Variants in DAB1 observed in about 807,000 individuals in gnomAD.
The protein encoded by DAB1 is disabled homolog 1.
In DAB1, 15 loss-of-function variants were observed where a neutral mutation model predicts 64.6. The observed-to-expected ratio is 0.23, with a 90% confidence interval of 0.16 to 0.36. DAB1 has a LOEUF of 0.36. Among genes scored for constraint, DAB1 ranks in the 10% least tolerant of loss-of-function variants. DAB1 has a pLI of 1.00. For missense variants in DAB1, 596 were observed against 706.7 expected, an observed-to-expected ratio of 0.84 and a Z score of 1.78; for synonymous variants, 235 against 251.9, an observed-to-expected ratio of 0.93 and a Z score of 0.64.
At chr1:57,889,418 G>A (rs1416309735) in intron 5 of DAB1, among the ~76,000 whole-genome samples, 1 of 152,212 alleles carries the variant, frequency 6.6e-6, no homozygotes, top group Non-Finnish European at 1.5e-5. Flanking sequence ...TTCCACACAG[G>A]TCTTGACCTT....
chr1:57,711,024 T>C (rs1270903008), intron 6 of DAB1, among the ~76,000 whole-genome samples: 1 of 152,184 alleles, frequency 6.6e-6, no homozygotes, highest in Non-Finnish European at 1.5e-5. Context: ...AATCTTAGAT[T>C]CTACAATAGT....
intron 5 of DAB1, among the ~76,000 whole-genome samples, chr1:57,963,894 T>G (rs1050054533): frequency 2.0e-5 from 3 of 152,230 alleles, no homozygotes; most frequent in African/African-American, 4.8e-5. Flanking sequence ...AAGTCACATA[T>G]TCTCCCTGCG....
intron 7 of DAB1, among the ~76,000 whole-genome samples, chr1:57,647,969 T>C (rs1397940986): frequency 6.6e-6 from 1 of 152,208 alleles, no homozygotes; most frequent in Non-Finnish European, 1.5e-5. Flanking sequence ...AATCTATATA[T>C]TCTCAACCTC....
chr1:57,583,055 A>C (rs1302303818), intron 7 of DAB1, among the ~76,000 whole-genome samples: 2 of 152,192 alleles, frequency 1.3e-5, no homozygotes, highest in African/African-American at 4.8e-5. Flanking sequence ...AGAGAATTGG[A>C]GAAGTGAACT....
At chr1:57,085,587 A>G (rs1202512259) in intron 4 of DAB1, among the ~76,000 whole-genome samples, 1 of 152,218 alleles carries the variant, frequency 6.6e-6, no homozygotes, top group Non-Finnish European at 1.5e-5. Flanking sequence ...CAGAGAAGGG[A>G]GGTCAGGTGT....
chr1:58,465,351 A>T (rs1172024306), intron 3 of DAB1, among the ~76,000 whole-genome samples: 1 of 152,186 alleles, frequency 6.6e-6, no homozygotes, highest in East Asian at 1.9e-4. Flanking sequence ...TGGCTAGGGC[A>T]GGGGTCAGCC....
intron 5 of DAB1, among the ~76,000 whole-genome samples, chr1:58,146,569 T>C (rs1420178529): frequency 3.3e-5 from 5 of 152,164 alleles, no homozygotes; most frequent in African/African-American, 1.2e-4. Context: ...TCTATGTTGT[T>C]TACATTCCAC....
chr1:57,947,429 C>G (rs1172387363), intron 5 of DAB1, among the ~76,000 whole-genome samples: 2 of 152,134 alleles, frequency 1.3e-5, no homozygotes, highest in African/African-American at 2.4e-5. Context: ...ACATTTTTAA[C>G]CAGAGCACAC....
intron 6 of DAB1, among the ~76,000 whole-genome samples, chr1:57,726,512 G>A (rs1227828160): frequency 1.3e-5 from 2 of 152,030 alleles, no homozygotes; most frequent in African/African-American, 2.4e-5. Flanking sequence ...GCACATCAAG[G>A]AGGCTTTGAA....
intron 5 of DAB1, among the ~76,000 whole-genome samples, chr1:57,959,674 T>C (rs1345535703): frequency 6.6e-6 from 1 of 152,224 alleles, no homozygotes; most frequent in African/African-American, 2.4e-5. Context: ...CATGCTGCAA[T>C]ATAAACAATC....
At chr1:57,328,743 C>A (rs1676394855) in intron 1 of DAB1, among the ~76,000 whole-genome samples, 1 of 152,144 alleles carries the variant, frequency 6.6e-6, no homozygotes. Context: ...CAGCTGATAG[C>A]CAAGACAGAA....
chr1:58,438,211 A>G (rs1644966487), intron 3 of DAB1, among the ~76,000 whole-genome samples: 1 of 152,202 alleles, frequency 6.6e-6, no homozygotes, highest in Non-Finnish European at 1.5e-5. Flanking sequence ...TGTCATTTGC[A>G]TATGACAGAA....
intron 2 of DAB1, among the ~76,000 whole-genome samples, chr1:57,198,522 A>G (rs1395992949): frequency 6.6e-6 from 1 of 151,796 alleles, no homozygotes; most frequent in East Asian, 1.9e-4. Context: ...CCTTCTCTCA[A>G]TCCCTCAATC....
chr1:57,358,868 AC>A (rs1476308490), intron 1 of DAB1, among the ~76,000 whole-genome samples: 1 of 151,978 alleles, frequency 6.6e-6, no homozygotes, highest in Non-Finnish European at 1.5e-5. Flanking sequence ...CCAAGAACAC[AC>A]AGTCTCTTCA....
At chr1:57,611,348 T>C (rs1558539974) in intron 7 of DAB1, among the ~76,000 whole-genome samples, 1 of 152,148 alleles carries the variant, frequency 6.6e-6, no homozygotes, top group Non-Finnish European at 1.5e-5. Flanking sequence ...TATTGTTCTA[T>C]CACCTCCTGC....
intron 1 of DAB1, among the ~76,000 whole-genome samples, chr1:57,383,223 T>TA (rs1478578504): frequency 6.6e-6 from 1 of 152,170 alleles, no homozygotes; most frequent in Admixed American, 6.5e-5. Context: ...ATTAATTTTT[T>TA]AAAAAATGTA....
intron 2 of DAB1, among the ~76,000 whole-genome samples, chr1:57,210,843 T>G (rs1442804608): frequency 2.6e-5 from 4 of 152,262 alleles, no homozygotes. Context: ...TAGTTTTCAC[T>G]GCCTATGCAT....
intron 6 of DAB1, among the ~76,000 whole-genome samples, chr1:57,778,815 CTTCTT>C (rs1296644370): frequency 4.6e-5 from 7 of 151,350 alleles, no homozygotes; most frequent in African/African-American, 1.5e-4. Context: ...GCTTTTTTTC[CTTCTT>C]TTCATTTCTT....
chr1:58,469,137 G>A (rs1380624675), intron 3 of DAB1: 1 of 158,416 alleles, frequency 6.3e-6, no homozygotes, highest in Non-Finnish European at 1.4e-5. Flanking sequence ...TTTATTTTTG[G>A]TATCTATGTT....
Sources: allele counts gnomAD v4.1 joint callset (sites outside exome capture counted in the v4.1 genomes callset), GRCh38; gene constraint gnomAD v4.1.1; transcripts MANE v1.5; gene names NCBI Gene and HGNC (gene_info 2026-07-23, HGNC 2026-07-21).